The following MSH3 variants were observed in gnomAD, a reference collection of about 807,000 sequenced individuals.
MSH3 encodes the protein DNA mismatch repair protein Msh3.
Under a neutral mutation model 123.3 loss-of-function variants are expected in MSH3, and 106 were observed. The observed-to-expected ratio is 0.86, with a 90% CI of 0.73 to 1.01. MSH3 has a LOEUF of 1.01. MSH3 is among the 50% of genes least tolerant of loss of function. MSH3 has a pLI of 0.00. For missense variants in MSH3, 1,459 were observed against 1,347.6 expected (o/e 1.08, Z -1.29); for synonymous variants, 515 against 481.4 (o/e 1.07, Z -0.91).
At chr5:80,663,284 A>T (rs1677623) in intron 2 of MSH3, among the ~76,000 whole-genome samples, 41,123 of 152,108 alleles carry the variant, frequency 0.27, 5,768 homozygotes, top group Middle Eastern at 0.35. Context: ...AAAACTAGCC[A>T]TAGAGTCACA....
chr5:80,737,794 ATGGGAACTCCAG>A (rs1445695611), intron 10 of MSH3, among the ~76,000 whole-genome samples: 1 of 152,202 alleles, frequency 6.6e-6, no homozygotes, highest in Non-Finnish European at 1.5e-5. Context: ...TACGAAATAT[ATGGGAACTCCAG>A]AAGCATGGTT....
intron 20 of MSH3, among the ~76,000 whole-genome samples, chr5:80,834,295 A>T (rs564508193): frequency 6.6e-6 from 1 of 151,982 alleles, no homozygotes; most frequent in Admixed American, 6.6e-5. Context: ...AGCAAACATC[A>T]TTCATTGTAT....
intron 20 of MSH3, among the ~76,000 whole-genome samples, chr5:80,824,720 A>G (rs1443985827): frequency 1.3e-5 from 2 of 152,212 alleles, no homozygotes; most frequent in East Asian, 3.8e-4. Context: ...ACAAGTATAC[A>G]TCTTTTCTTT....
At chr5:80,751,133 G>A (rs1743827907) in intron 12 of MSH3, among the ~76,000 whole-genome samples, 1 of 152,054 alleles carries the variant, frequency 6.6e-6, no homozygotes, top group Admixed American at 6.6e-5. Context: ...AAAAATTTTG[G>A]CACCAAAATA....
intron 20 of MSH3, among the ~76,000 whole-genome samples, chr5:80,848,721 C>T (rs1745771473): frequency 1.3e-5 from 2 of 152,200 alleles, no homozygotes; most frequent in African/African-American, 4.8e-5. Flanking sequence ...ATAATCCAGT[C>T]ATTTCCCACT....
At chr5:80,667,781 A>G (rs1468336957) in intron 3 of MSH3, among the ~76,000 whole-genome samples, 1 of 152,216 alleles carries the variant, frequency 6.6e-6, no homozygotes, top group Non-Finnish European at 1.5e-5. Flanking sequence ...GCAGAGCCCC[A>G]GAGAGGGTGT....
At chr5:80,711,574 G>A (rs1750859904) in intron 8 of MSH3, among the ~76,000 whole-genome samples, 1 of 152,190 alleles carries the variant, frequency 6.6e-6, no homozygotes, top group South Asian at 2.1e-4. Context: ...ATCCTTCTAA[G>A]AAGCTATGCG....
rs145416686 is a variant in MSH3 at position 80,727,115 on chromosome 5, C to T, written c.1453+1550C>T. On this transcript the variant is annotated intron_variant, in intron 9 of 23. Coordinates refer to ENST00000265081, the MANE Select transcript of MSH3 (RefSeq NM_002439.5). ...AGACACGCCAGTTGACAAAAGTCAACGCACTAAGGGAAGGCCAAAACTCTG... is the reference window on the plus strand; with the variant it reads ...AGACACGCCAGTTGACAAAAGTCAATGCACTAAGGGAAGGCCAAAACTCTG... Among the ~76,000 whole-genome samples, 23 of 152,296 alleles carry T rather than the reference C, an allele frequency of 1.5e-4. No homozygotes were observed. In the East Asian group the frequency reaches 3.7e-3, roughly 24 times the overall value.
rs774758214 is a variant in MSH3 at position 80,672,698 on chromosome 5, A to AT, written c.910-37dup. The stretch of plus-strand genomic sequence containing the variant: ...ATTTCGAAATGAGTTTTTACAAGTC[A>AT]TTTTTTATCCTTTGATAGCAATATT... On this transcript the variant is annotated intron_variant, in intron 5 of 23. Coordinates refer to ENST00000265081, the MANE Select transcript of MSH3 (RefSeq NM_002439.5). 18 of 1,491,422 alleles carry AT rather than the reference A, an allele frequency of 1.2e-5. No homozygotes were observed. The South Asian group carries it at 1.7e-4, about 14-fold the overall frequency. The allele number at this position is 1,491,422 out of a possible 1,614,324, so 92.4% of individuals were successfully genotyped here.
At chr5:80,666,022 C>G (rs1677629) in intron 3 of MSH3, among the ~76,000 whole-genome samples, 42,133 of 151,992 alleles carry the variant, frequency 0.28, 6,056 homozygotes, top group Middle Eastern at 0.35. Flanking sequence ...TTTTCACTGA[C>G]AAATGGGCAT....
At chr5:80,854,389 TGTGCCATA>T in intron 21 of MSH3, 73 bp downstream of exon 21, 1 of 1,388,428 alleles carries the variant, frequency 7.2e-7, no homozygotes, top group Non-Finnish European at 1.0e-6. Context: ...CAGTCATAAT[TGTGCCATA>T]TTTATGGGGT....
chr5:80,769,370 T>C (rs911934667), intron 15 of MSH3, among the ~76,000 whole-genome samples: 19 of 152,072 alleles, frequency 1.2e-4, no homozygotes, highest in Non-Finnish European at 2.6e-4. Flanking sequence ...ACAAAGCCTG[T>C]GTTGATTGGC....
rs554493903 is a variant in MSH3 at position 80,849,703 on chromosome 5, G to T, written c.2814-4427G>T. Among the ~76,000 whole-genome samples, 4 of 152,082 alleles carry T rather than the reference G, an allele frequency of 2.6e-5. No individual in the cohort carries two copies. The South Asian group carries it at 6.2e-4, about 24-fold the overall frequency. ...AGTCCCTATGCTACACACAGCGGGG[G>T]TCTACAGGCCTGGCCCATGAAACCA... On this transcript the variant is annotated intron_variant, in intron 20 of 23. Transcript: ENST00000265081.
chr5:80,688,771 A>G (rs1353843121), intron 8 of MSH3, among the ~76,000 whole-genome samples: 1 of 151,606 alleles, frequency 6.6e-6, no homozygotes, highest in Non-Finnish European at 1.5e-5. Context: ...GAATGAGAGT[A>G]AAAGAAACAA....
chr5:80,838,636 C>T (rs1245945371), intron 20 of MSH3, among the ~76,000 whole-genome samples: 1 of 152,056 alleles, frequency 6.6e-6, no homozygotes, highest in Non-Finnish European at 1.5e-5. Flanking sequence ...TCATTGTGAG[C>T]ATGGATTAAT....
intron 12 of MSH3, among the ~76,000 whole-genome samples, chr5:80,758,162 G>T (rs537417943): frequency 2.8e-4 from 43 of 152,230 alleles, no homozygotes; most frequent in Non-Finnish European, 5.0e-4. Context: ...AGCTTTTCTT[G>T]TATAATTCCC....
chr5:80,846,992 T>G (rs1274138441), intron 20 of MSH3, among the ~76,000 whole-genome samples: 1 of 152,094 alleles, frequency 6.6e-6, no homozygotes, highest in Non-Finnish European at 1.5e-5. Flanking sequence ...ACATATCTTC[T>G]GCATCCATCT....
At chr5:80,656,034 T>C (rs922935546) in intron 1 of MSH3, among the ~76,000 whole-genome samples, 1 of 152,226 alleles carries the variant, frequency 6.6e-6, no homozygotes, top group Non-Finnish European at 1.5e-5. Context: ...ACCTATCTTT[T>C]CCCCTCTGTG....
At chr5:80,827,646 A>G (rs1462003738) in intron 20 of MSH3, among the ~76,000 whole-genome samples, 2 of 152,200 alleles carry the variant, frequency 1.3e-5, no homozygotes, top group Non-Finnish European at 2.9e-5. Context: ...TCATCTTATC[A>G]ATATCTCTGT....
Sources: gnomAD v4.1 joint callset for allele counts (sites outside exome capture counted in the v4.1 genomes callset) on GRCh38, gnomAD v4.1.1 for gene constraint, MANE v1.5 for transcripts, NCBI Gene and HGNC (gene_info 2026-07-23, HGNC 2026-07-21) for gene names.